HMGXB4: variants seen among roughly 807,000 people sequenced by gnomAD.
HMGXB4 encodes HMG-box containing 4.
HMGXB4 carries 27 observed loss-of-function variants against 63.9 expected under a neutral mutation model. The observed-to-expected ratio is 0.42, with a 90% CI of 0.31 to 0.58. HMGXB4 has a LOEUF of 0.58. HMGXB4 is among the 20% of genes least tolerant of loss of function. The pLI, the probability that HMGXB4 is intolerant of heterozygous loss-of-function variation, is 0.13. For missense variants in HMGXB4, 624 were observed against 700.7 expected (o/e 0.89, Z 1.24); for synonymous variants, 264 against 265.3 (o/e 0.99, Z 0.05).
chr22:35,260,677 T>C (rs1922792318), intron 1 of HMGXB4, among the ~76,000 whole-genome samples: 1 of 152,238 alleles, frequency 6.6e-6, no homozygotes, highest in Non-Finnish European at 1.5e-5. Context: ...TTCTCTTACT[T>C]TGACCAAATC....
chr22:35,243,237 G>C, the HMGXB4 span, among the ~76,000 whole-genome samples: 1 of 152,090 alleles, frequency 6.6e-6, no homozygotes, highest in African/African-American at 2.4e-5. Context: ...AGGTGTGGTG[G>C]CGCACACCAG....
rs760766503 is a variant in HMGXB4, at chr22:35,265,581, AAGAG to A, written c.1204_1207del (p.Arg402GlufsTer21). ...AAAAAGAAAAAAGAAGAGAAGGACAAAGAGAGAGAGAGAGGAGAAAAGGTAAAGC... is the reference window on the plus strand; with the variant it reads ...AAAAAGAAAAAAGAAGAGAAGGACAAAGAGAGAGAGGAGAAAAGGTAAAGC... On this transcript the variant is annotated frameshift_variant, in exon 5 of 11. Transcript: ENST00000216106. LOFTEE classifies it high-confidence loss of function. 9.2e-6 allele frequency: 14 copies of A among 1,514,388 alleles called. No homozygotes were observed. Among genetic ancestry groups the A allele is most frequent in the African/African-American group, 2.8e-5 (2 of 71,200 alleles). The allele number at this position is 1,514,388 out of a possible 1,614,324, so 93.8% of individuals were successfully genotyped here.
chr22:35,289,096 C>T (rs11089739), intron 9 of HMGXB4, among the ~76,000 whole-genome samples: 76,798 of 150,962 alleles, frequency 0.51, 22,523 homozygotes, highest in Non-Finnish European at 0.65. Flanking sequence ...GTCAAGATTG[C>T]GCTACTGTAC....
At chr22:35,272,164 G>C (rs1923643509) in intron 5 of HMGXB4, among the ~76,000 whole-genome samples, 1 of 152,198 alleles carries the variant, frequency 6.6e-6, no homozygotes, top group South Asian at 2.1e-4. Flanking sequence ...AGAGAAGGAA[G>C]AGGGGGCGGC....
At chr22:35,246,144 G>C in the HMGXB4 span, among the ~76,000 whole-genome samples, 3 of 152,212 alleles carry the variant, frequency 2.0e-5, no homozygotes, top group East Asian at 1.9e-4. Context: ...GGATGGGAAG[G>C]GGGTGCAGGA....
intron 1 of HMGXB4, among the ~76,000 whole-genome samples, chr22:35,261,235 A>G (rs1296557072): frequency 6.6e-6 from 1 of 152,160 alleles, no homozygotes; most frequent in East Asian, 1.9e-4. Flanking sequence ...CAAGAGTTCA[A>G]GACCAGCCTG....
chr22:35,281,307 CT>C (rs914909662), intron 5 of HMGXB4, among the ~76,000 whole-genome samples: 2 of 152,206 alleles, frequency 1.3e-5, no homozygotes, highest in Admixed American at 6.5e-5. Context: ...TGCAGCTTAA[CT>C]TCCTTAGAAT....
chr22:35,263,456 G>GT (rs143256948), intron 3 of HMGXB4, among the ~76,000 whole-genome samples: 1 of 152,084 alleles, frequency 6.6e-6, no homozygotes, highest in African/African-American at 2.4e-5. Context: ...GCCAATTTTT[G>GT]TATTTTATCA....
chr22:35,259,208 T>G (rs1922677407), intron 1 of HMGXB4, among the ~76,000 whole-genome samples: 1 of 152,200 alleles, frequency 6.6e-6, no homozygotes. Context: ...TAAGTATACA[T>G]TTTTATGGTA....
upstream of HMGXB4, among the ~76,000 whole-genome samples, chr22:35,256,580 A>G (rs970916290): frequency 6.6e-6 from 1 of 152,078 alleles, no homozygotes; most frequent in African/African-American, 2.4e-5. Flanking sequence ...GCTCACTGCA[A>G]TCTCCGCCTC....
intron 5 of HMGXB4, among the ~76,000 whole-genome samples, chr22:35,271,071 G>C (rs1041313838): frequency 7.9e-5 from 12 of 152,020 alleles, no homozygotes; most frequent in African/African-American, 2.9e-4. Context: ...ACCAACCTAG[G>C]TGATACAGCA....
chr22:35,285,563 A>AAAAGAAG (rs1924520160), intron 6 of HMGXB4, among the ~76,000 whole-genome samples: 2 of 152,150 alleles, frequency 1.3e-5, no homozygotes, highest in Non-Finnish European at 2.9e-5. Context: ...GAAAAAAGAA[A>AAAAGAAG]AAAATTTTAA....
At chr22:35,250,638 G>A in the HMGXB4 span, among the ~76,000 whole-genome samples, 7 of 139,446 alleles carry the variant, frequency 5.0e-5, no homozygotes, top group African/African-American at 1.5e-4. Flanking sequence ...CATATCAACC[G>A]GGAGGTCCTC....
At chr22:35,277,942 C>G (rs920569326) in intron 5 of HMGXB4, among the ~76,000 whole-genome samples, 8 of 152,172 alleles carry the variant, frequency 5.3e-5, no homozygotes, top group Non-Finnish European at 2.9e-5. Context: ...ACAAATGTAT[C>G]ATGACACGTA....
chr22:35,272,301 AGAGT>A (rs1923652048), intron 5 of HMGXB4, among the ~76,000 whole-genome samples: 1 of 152,202 alleles, frequency 6.6e-6, no homozygotes, highest in South Asian at 2.1e-4. Context: ...GGTTGAGGAA[AGAGT>A]GAGCGGTGTG....
chr22:35,278,308 A>G (rs1274546714), intron 5 of HMGXB4, among the ~76,000 whole-genome samples: 3 of 152,354 alleles, frequency 2.0e-5, no homozygotes, highest in Middle Eastern at 3.4e-3. Flanking sequence ...TGAAGCTGCT[A>G]TAAACTTCCA....
Position 35,288,243 on chromosome 22 carries a change from T to A in HMGXB4, c.1474T>A (p.Ser492Thr). The A allele has an allele frequency of 4.5e-6, 7 of 1,568,462 alleles. No individual in the cohort carries two copies. The highest frequency in any genetic ancestry group is 6.1e-6 in the Non-Finnish European group (7 of 1,156,320). The change falls in exon 9 of 11, where the codon TCT becomes ACT. Residue 492 changes from serine to threonine, a missense_variant. Transcript: ENST00000216106. ...CCTCATTGCTCTGTTCTCAGCCTCT[T>A]CTGTAGGAGTACTGTCACCCCAGAA... ...SEGSMKVKAS[S>T]VGVLSPQKKS...
chr22:35,246,505 C>T, the HMGXB4 span, among the ~76,000 whole-genome samples: 2 of 152,162 alleles, frequency 1.3e-5, no homozygotes, highest in East Asian at 1.9e-4. Flanking sequence ...AATGTCCTGA[C>T]CTCGTGTTCC....
the HMGXB4 span, among the ~76,000 whole-genome samples, chr22:35,245,327 C>CTTT: frequency 1.3e-4 from 11 of 83,102 alleles, no homozygotes; most frequent in African/African-American, 3.3e-4. Context: ...ATGAAACTTT[C>CTTT]TATTTTTTTT....
Sources: allele counts gnomAD v4.1 joint callset (sites outside exome capture counted in the v4.1 genomes callset), GRCh38; gene constraint gnomAD v4.1.1; transcripts MANE v1.5; gene names NCBI Gene and HGNC (gene_info 2026-07-23, HGNC 2026-07-21).